Variants in GNAQ observed in about 807,000 individuals in gnomAD.
The protein encoded by GNAQ is G protein subunit alpha q.
GNAQ carries 8 observed loss-of-function variants against 43.9 expected under a neutral mutation model. The ratio of observed to expected loss-of-function variants is 0.18; its 90% CI spans 0.11 to 0.33. The LOEUF (loss-of-function observed/expected upper bound fraction) is 0.33, where lower values mean the gene tolerates loss of function less well. Ranked by LOEUF, GNAQ falls within the 10% of genes least tolerant of loss-of-function variation. The pLI is 1.00. For synonymous variants in GNAQ, 155 were observed against 170.7 expected (o/e 0.91, Z 0.71); for missense variants, 158 against 450.8 (o/e 0.35, Z 5.88).
intron 2 of GNAQ, among the ~76,000 whole-genome samples, chr9:77,861,111 G>T (rs560477036): frequency 6.6e-6 from 1 of 152,286 alleles, no homozygotes; most frequent in Non-Finnish European, 1.5e-5. Context: ...AATCATGATG[G>T]AAGGCAAGGA....
intron 2 of GNAQ, among the ~76,000 whole-genome samples, chr9:77,870,231 T>C (rs752992797): frequency 6.6e-5 from 10 of 152,248 alleles, no homozygotes; most frequent in Middle Eastern, 3.4e-3. Flanking sequence ...GGGGATAATT[T>C]AGTTATGCGA....
At chr9:77,909,370 G>C (rs1235639639) in intron 2 of GNAQ, among the ~76,000 whole-genome samples, 3 of 152,170 alleles carry the variant, frequency 2.0e-5, no homozygotes, top group African/African-American at 7.2e-5. Context: ...GTCAAGAGAA[G>C]AAAGACTAGG....
intron 1 of GNAQ, among the ~76,000 whole-genome samples, chr9:78,009,301 C>T (rs1202184334): frequency 2.0e-5 from 3 of 152,106 alleles, no homozygotes; most frequent in East Asian, 1.9e-4. Flanking sequence ...GGGTGCCACC[C>T]GCCACCTGCC....
chr9:77,843,529 A>G (rs567987099), intron 2 of GNAQ, among the ~76,000 whole-genome samples: 13 of 152,250 alleles, frequency 8.5e-5, no homozygotes, highest in African/African-American at 2.4e-4. Flanking sequence ...GTCTTCCTAG[A>G]TAAGAATCAC....
rs200742382 is a variant in GNAQ, at chr9:77,778,242, C to CACACAT, written c.735+16220_735+16221insATGTGT. Reference sequence around the variant, plus strand: ...ACACACACACACACACACACACACACGTATTCCTCTATATAAGGGAAATGA... The same window carrying CACACAT: ...ACACACACACACACACACACACACACACACATGTATTCCTCTATATAAGGGAAATGA... On this transcript the variant is annotated intron_variant, in intron 5 of 6. Coordinates refer to ENST00000286548, the MANE Select transcript of GNAQ (RefSeq NM_002072.5). Among the ~76,000 whole-genome samples the CACACAT allele has an allele frequency of 3.4e-5, 5 of 146,632 alleles. No homozygotes were observed. In the East Asian group the frequency reaches 9.9e-4, roughly 29 times the overall value.
intron 1 of GNAQ, among the ~76,000 whole-genome samples, chr9:77,941,408 C>A (rs1400529733): frequency 6.6e-6 from 1 of 152,128 alleles, no homozygotes; most frequent in East Asian, 1.9e-4. Flanking sequence ...CACCACCACA[C>A]CTGGCTAATT....
chr9:77,922,028 T>C (rs142675128), intron 2 of GNAQ, 133 bp downstream of exon 2: 93 of 502,202 alleles, frequency 1.9e-4, no homozygotes, highest in African/African-American at 1.5e-3. Flanking sequence ...GTCTCATTTA[T>C]GATGGGATGG....
intron 1 of GNAQ, among the ~76,000 whole-genome samples, chr9:78,024,353 A>T (rs1823950109): frequency 6.6e-6 from 1 of 152,190 alleles, no homozygotes; most frequent in Non-Finnish European, 1.5e-5. Context: ...ATTAGAAGAA[A>T]GCAGGGAATT....
intron 5 of GNAQ, 149 bp from the exon 6 acceptor site, chr9:77,728,816 A>G: frequency 1.7e-6 from 1 of 602,976 alleles, no homozygotes; most frequent in East Asian, 2.8e-5. Context: ...ATTTATATGC[A>G]AATGATTCAT....
chr9:77,985,467 G>A (rs1823423489), intron 1 of GNAQ, among the ~76,000 whole-genome samples: 1 of 152,168 alleles, frequency 6.6e-6, no homozygotes, highest in South Asian at 2.1e-4. Flanking sequence ...CCCAAGTAGA[G>A]GATAGTTGTA....
At chr9:77,746,837 G>A (rs1030432546) in intron 5 of GNAQ, among the ~76,000 whole-genome samples, 8 of 152,090 alleles carry the variant, frequency 5.3e-5, no homozygotes, top group African/African-American at 1.9e-4. Context: ...TTTGAGACAC[G>A]AAGACAATAA....
At chr9:77,967,157 G>A (rs4097403) in intron 1 of GNAQ, among the ~76,000 whole-genome samples, 1 of 152,166 alleles carries the variant, frequency 6.6e-6, no homozygotes, top group Non-Finnish European at 1.5e-5. Context: ...ATGCATCTCA[G>A]GAAAAGGGTA....
At chr9:77,934,942 T>A (rs1018441848) in intron 1 of GNAQ, among the ~76,000 whole-genome samples, 1 of 152,092 alleles carries the variant, frequency 6.6e-6, no homozygotes, top group Non-Finnish European at 1.5e-5. Context: ...CTGATCAACA[T>A]GGTGGAACCC....
At chr9:77,921,433 T>A (rs1828995346) in intron 2 of GNAQ, among the ~76,000 whole-genome samples, 10 of 152,170 alleles carry the variant, frequency 6.6e-5, no homozygotes, top group Admixed American at 6.5e-4. Context: ...CTCTTTAATA[T>A]TTAGAGGATG....
chr9:77,947,206 T>C lies in GNAQ; in HGVS notation c.137-24861A>G, dbSNP rs74909187. On this transcript the variant is annotated intron_variant, in intron 1 of 6. Transcript: ENST00000286548. ...ATTACATTTGGATTATAATTACTTA[T>C]GTAACAAGAAAGACATTTATTTACT... Among the ~76,000 whole-genome samples, 336 of 152,388 alleles carry C rather than the reference T, an allele frequency of 2.2e-3. 5 individuals are homozygous for C. The East Asian group carries it at 0.046, about 21-fold the overall frequency.
intron 2 of GNAQ, among the ~76,000 whole-genome samples, chr9:77,901,527 T>G (rs1465386823): frequency 1.3e-5 from 2 of 152,186 alleles, no homozygotes; most frequent in African/African-American, 4.8e-5. Flanking sequence ...GTCCTGCCTC[T>G]TCCTCCTTAG....
intron 2 of GNAQ, among the ~76,000 whole-genome samples, chr9:77,819,425 A>C (rs1827076013): frequency 6.6e-6 from 1 of 152,222 alleles, no homozygotes; most frequent in Non-Finnish European, 1.5e-5. Flanking sequence ...CCAAGCCTTT[A>C]GGTGAAATGA....
chr9:77,793,783 G>A (rs1347057515), intron 5 of GNAQ, among the ~76,000 whole-genome samples: 2 of 151,878 alleles, frequency 1.3e-5, no homozygotes, highest in African/African-American at 2.4e-5. Context: ...TCGATTCATC[G>A]TCAGGTCTTT....
At chr9:77,957,576 G>C (rs998292766) in intron 1 of GNAQ, among the ~76,000 whole-genome samples, 2 of 152,044 alleles carry the variant, frequency 1.3e-5, no homozygotes, top group African/African-American at 4.8e-5. Context: ...GAATTTGCTT[G>C]TTTTTTCCAA....
Sources: gnomAD v4.1 joint callset for allele counts (sites outside exome capture counted in the v4.1 genomes callset) on GRCh38, gnomAD v4.1.1 for gene constraint, MANE v1.5 for transcripts, NCBI Gene and HGNC (gene_info 2026-07-23, HGNC 2026-07-21) for gene names.